PTPRM: variants seen among roughly 807,000 people sequenced by gnomAD.
PTPRM encodes receptor-type tyrosine-protein phosphatase mu.
A neutral mutation model predicts 186.7 loss-of-function variants in PTPRM; 47 were observed. The observed-to-expected ratio is 0.25, with a 90% CI of 0.20 to 0.32. The LOEUF is 0.32. PTPRM is among the 10% of genes least tolerant of loss of function. The probability of loss-of-function intolerance (pLI) is 1.00; values close to 1 mark genes in which losing one functional copy is unlikely to be tolerated. For synonymous variants in PTPRM, 668 were observed against 674.9 expected (o/e 0.99, Z 0.16); for missense variants, 1,494 against 1,865.0 (o/e 0.80, Z 3.66).
At chr18:7,866,996 A>G (rs778541241) in intron 2 of PTPRM, among the ~76,000 whole-genome samples, 1 of 152,120 alleles carries the variant, frequency 6.6e-6, no homozygotes, top group Non-Finnish European at 1.5e-5. Flanking sequence ...TTTATCAGAG[A>G]CTAGGATTGC....
At chr18:7,747,614 C>T (rs1369087716) in intron 1 of PTPRM, 6 of 152,282 alleles carry the variant, frequency 3.9e-5, no homozygotes, top group African/African-American at 1.4e-4. Flanking sequence ...GTAGGTGCAT[C>T]ACTCCTGCCT....
At chr18:8,073,214 C>T (rs916168418) in intron 8 of PTPRM, among the ~76,000 whole-genome samples, 1 of 152,242 alleles carries the variant, frequency 6.6e-6, no homozygotes, top group Non-Finnish European at 1.5e-5. Context: ...ATATCACTGG[C>T]TGCTCCGCCT....
chr18:7,906,353 C>A, intron 3 of PTPRM, 152 bp from the exon 4 acceptor site: 1 of 662,276 alleles, frequency 1.5e-6, no homozygotes. Context: ...TCTTTGTAGT[C>A]TAGAACCTGG....
chr18:8,025,231 T>C (rs1282596481), intron 7 of PTPRM, among the ~76,000 whole-genome samples: 1 of 152,180 alleles, frequency 6.6e-6, no homozygotes, highest in Non-Finnish European at 1.5e-5. Context: ...CTCTCTGGTT[T>C]CTCTCCACTT....
rs532472793 is a variant in PTPRM at position 8,292,464 on chromosome 18, G to C, written c.2755-3904G>C. Reference sequence around the variant, plus strand: ...TCTTAATAATCCAAATGTATCCATGGGGAAATTGGCTATATAATTGAAGGA... The same window carrying C: ...TCTTAATAATCCAAATGTATCCATGCGGAAATTGGCTATATAATTGAAGGA... On this transcript the variant is annotated intron_variant, in intron 19 of 32. Coordinates refer to ENST00000580170, the MANE Select transcript of PTPRM (RefSeq NM_001105244.2). 1.3e-4 allele frequency among the ~76,000 whole-genome samples: 20 copies of C among 152,236 alleles called. 1 individual carries two copies. Among genetic ancestry groups the C allele is most frequent in the Admixed American group, 2.6e-4 (4 of 15,288 alleles).
chr18:7,616,673 T>A (rs2037813579), intron 1 of PTPRM, among the ~76,000 whole-genome samples: 1 of 152,114 alleles, frequency 6.6e-6, no homozygotes, highest in African/African-American at 2.4e-5. Flanking sequence ...TTGTCTCCCA[T>A]CCCTGGCTTG....
intron 23 of PTPRM, among the ~76,000 whole-genome samples, chr18:8,349,890 C>G (rs1016257724): frequency 2.0e-5 from 3 of 152,228 alleles, no homozygotes; most frequent in African/African-American, 7.2e-5. Flanking sequence ...CCACTGGTCA[C>G]CCTGGTGTTC....
chr18:8,069,568 A>G, intron 7 of PTPRM, 118 bp from the exon 8 acceptor site: 1 of 877,934 alleles, frequency 1.1e-6, no homozygotes. Flanking sequence ...TTTATTATCC[A>G]GGAAGAAGAG....
intron 19 of PTPRM, among the ~76,000 whole-genome samples, chr18:8,262,448 T>C (rs1315112597): frequency 6.6e-6 from 1 of 152,188 alleles, no homozygotes. Flanking sequence ...GTAATGCAGG[T>C]GCTTCCCACC....
chr18:7,831,070 G>T (rs574064558), intron 2 of PTPRM, among the ~76,000 whole-genome samples: 1 of 152,142 alleles, frequency 6.6e-6, no homozygotes, highest in South Asian at 2.1e-4. Context: ...TTATGGTATA[G>T]GATGGAGATG....
At chr18:8,149,453 A>T (rs968327180) in intron 14 of PTPRM, among the ~76,000 whole-genome samples, 9 of 152,088 alleles carry the variant, frequency 5.9e-5, no homozygotes, top group African/African-American at 2.2e-4. Context: ...AGTCTGTTTT[A>T]TCAGAGACTA....
intron 1 of PTPRM, among the ~76,000 whole-genome samples, chr18:7,710,892 A>G (rs1343779500): frequency 6.6e-6 from 1 of 152,198 alleles, no homozygotes; most frequent in Admixed American, 6.5e-5. Context: ...CTGCTGGAAG[A>G]TATTATAAGT....
chr18:7,755,872 G>A (rs892560457), intron 1 of PTPRM, among the ~76,000 whole-genome samples: 3 of 152,178 alleles, frequency 2.0e-5, no homozygotes, highest in Admixed American at 6.5e-5. Flanking sequence ...TGGTCATACA[G>A]TTTTCAACAC....
intron 13 of PTPRM, among the ~76,000 whole-genome samples, chr18:8,123,180 T>C (rs1393158510): frequency 6.6e-6 from 1 of 152,212 alleles, no homozygotes; most frequent in Non-Finnish European, 1.5e-5. Flanking sequence ...ATTGTCAAGA[T>C]TTCTAACATG....
intron 1 of PTPRM, among the ~76,000 whole-genome samples, chr18:7,703,434 A>G (rs2040008535): frequency 6.6e-6 from 1 of 152,168 alleles, no homozygotes; most frequent in South Asian, 2.1e-4. Flanking sequence ...CTTTGTAGCA[A>G]TTGTGAATGT....
intron 1 of PTPRM, among the ~76,000 whole-genome samples, chr18:7,703,370 C>T (rs1470858524): frequency 6.6e-6 from 1 of 152,004 alleles, no homozygotes; most frequent in Admixed American, 6.6e-5. Context: ...TGTAGTTCTC[C>T]CTGAAGAGGT....
At chr18:7,914,613 A>T (rs971223242) in intron 4 of PTPRM, among the ~76,000 whole-genome samples, 5 of 137,890 alleles carry the variant, frequency 3.6e-5, no homozygotes, top group African/African-American at 1.1e-4. Context: ...AATTAATGTT[A>T]ACTATTATTA....
chr18:7,781,939 C>CT (rs761522746), intron 2 of PTPRM, among the ~76,000 whole-genome samples: 2 of 152,120 alleles, frequency 1.3e-5, no homozygotes, highest in African/African-American at 2.4e-5. Context: ...GTAATATAAT[C>CT]ACTAGTGAGC....
At chr18:8,367,609 A>C (rs1158330999) in intron 23 of PTPRM, among the ~76,000 whole-genome samples, 1 of 152,264 alleles carries the variant, frequency 6.6e-6, no homozygotes, top group Non-Finnish European at 1.5e-5. Context: ...GCGGGGGACC[A>C]GGAGCCTGAG....
Sources: gnomAD v4.1 joint callset for allele counts (sites outside exome capture counted in the v4.1 genomes callset) on GRCh38, gnomAD v4.1.1 for gene constraint, MANE v1.5 for transcripts, NCBI Gene and HGNC (gene_info 2026-07-23, HGNC 2026-07-21) for gene names.